SLTM: variants seen among roughly 807,000 people sequenced by gnomAD.
The protein encoded by SLTM is SAFB-like transcription modulator.
Under a neutral mutation model 134.6 loss-of-function variants are expected in SLTM, and 43 were observed. That is an observed-to-expected ratio of 0.32 (90% CI 0.25 to 0.41). The LOEUF (loss-of-function observed/expected upper bound fraction) is 0.41, where lower values mean the gene tolerates loss of function less well. Ranked by LOEUF, SLTM falls within the 10% of genes least tolerant of loss-of-function variation. The pLI is 1.00. For synonymous variants in SLTM, 424 were observed against 432.3 expected (o/e 0.98, Z 0.24); for missense variants, 1,055 against 1,288.8 (o/e 0.82, Z 2.78).
At chr15:58,893,446 G>C (rs1360476353) in intron 12 of SLTM, 82 bp from the exon 13 acceptor site, 5 of 938,662 alleles carry the variant, frequency 5.3e-6, no homozygotes, top group African/African-American at 5.0e-5. Context: ...GCTAAATTCT[G>C]ATAGTCACAC....
At chr15:58,913,478 T>A (rs778625702) in intron 4 of SLTM, 21 bp downstream of exon 4, 17 of 1,565,252 alleles carry the variant, frequency 1.1e-5, no homozygotes, top group Non-Finnish European at 1.2e-5. Context: ...TGTCATGTTT[T>A]AAAAAAAACT....
At chr15:58,881,243 G>T (rs1370436367) in intron 20 of SLTM, among the ~76,000 whole-genome samples, 1 of 152,124 alleles carries the variant, frequency 6.6e-6, no homozygotes, top group East Asian at 1.9e-4. Flanking sequence ...TACAGTGAAG[G>T]CCGGGTGTGG....
At chr15:58,923,561 C>T (rs148975069) in intron 2 of SLTM, among the ~76,000 whole-genome samples, 95 of 152,232 alleles carry the variant, frequency 6.2e-4, no homozygotes, top group African/African-American at 2.2e-3. Context: ...ATTTTAAAGA[C>T]CAAATCACCC....
At chr15:58,922,631 AAT>A (rs1456843342) in intron 2 of SLTM, among the ~76,000 whole-genome samples, 1 of 147,162 alleles carries the variant, frequency 6.8e-6, no homozygotes, top group Non-Finnish European at 1.5e-5. Flanking sequence ...ACATGTATAA[AAT>A]ATATATTATA....
chr15:58,907,749 C>T (rs566368822), intron 5 of SLTM, among the ~76,000 whole-genome samples: 1 of 152,254 alleles, frequency 6.6e-6, no homozygotes, highest in South Asian at 2.1e-4. Context: ...ACTAATTGCA[C>T]ATATACTACA....
intron 3 of SLTM, 81 bp from the exon 4 acceptor site, chr15:58,913,777 C>T: frequency 3.1e-6 from 3 of 977,282 alleles, no homozygotes; most frequent in Non-Finnish European, 4.7e-6. Context: ...TAATTTACAC[C>T]TTTAAATGTG....
At chr15:58,923,249 TA>T (rs1478721000) in intron 2 of SLTM, among the ~76,000 whole-genome samples, 3 of 152,020 alleles carry the variant, frequency 2.0e-5, no homozygotes, top group African/African-American at 7.3e-5. Flanking sequence ...ATCCAGCTAC[TA>T]GGGGGGCCGA....
chr15:58,881,595 A>T (rs1290948657), intron 20 of SLTM, among the ~76,000 whole-genome samples: 5 of 152,066 alleles, frequency 3.3e-5, no homozygotes, highest in South Asian at 2.1e-4. Context: ...AGGCTGAGGA[A>T]TCTGGGCTCA....
Position 58,890,474 on chromosome 15 carries a change from AG to A in SLTM, c.1899-14del. 3 of 1,610,992 alleles carry A rather than the reference AG, an allele frequency of 1.9e-6. No individual in the cohort carries two copies. The highest frequency in any genetic ancestry group is 2.5e-6 in the Non-Finnish European group (3 of 1,179,188). ...AATCTCTCTTCGTCTACCAAAAATC[AG>A]TATTTAGAAATACTTAAATTATGCT... On this transcript the variant is annotated splice_polypyrimidine_tract_variant and intron_variant, in intron 14 of 20. Transcript: ENST00000380516.
chr15:58,897,362 T>A, intron 8 of SLTM, 129 bp from the exon 9 acceptor site: 1 of 570,090 alleles, frequency 1.8e-6, no homozygotes, highest in Non-Finnish European at 3.1e-6. Flanking sequence ...TCCTGTGAGT[T>A]TACTATTATT....
intron 19 of SLTM, among the ~76,000 whole-genome samples, chr15:58,886,574 C>CG (rs758974819): frequency 1.1e-4 from 16 of 152,042 alleles, no homozygotes; most frequent in Non-Finnish European, 1.2e-4. Context: ...CCACCATGCC[C>CG]GGCCAAGAAT....
chr15:58,911,126 G>A (rs762268593), intron 5 of SLTM, among the ~76,000 whole-genome samples: 6 of 151,942 alleles, frequency 3.9e-5, no homozygotes, highest in Non-Finnish European at 5.9e-5. Context: ...TTTCCTTCCC[G>A]AATATTCCAA....
chr15:58,882,243 C>G (rs1015661239), intron 20 of SLTM, among the ~76,000 whole-genome samples: 2 of 148,704 alleles, frequency 1.3e-5, no homozygotes, highest in Non-Finnish European at 3.0e-5. Context: ...GGACAAGCCC[C>G]GTATTTCCAG....
intron 20 of SLTM, among the ~76,000 whole-genome samples, chr15:58,882,394 G>GT (rs1304911450): frequency 2.6e-5 from 4 of 152,174 alleles, no homozygotes; most frequent in Non-Finnish European, 5.9e-5. Context: ...CACTTACATG[G>GT]CAGTGGCAAC....
At chr15:58,926,225 G>A (rs2037454746) in intron 2 of SLTM, among the ~76,000 whole-genome samples, 1 of 152,136 alleles carries the variant, frequency 6.6e-6, no homozygotes, top group African/African-American at 2.4e-5. Context: ...ATTTACAGAA[G>A]CTGTTGAGAA....
intron 8 of SLTM, 49 bp downstream of exon 8, chr15:58,898,754 A>G: frequency 7.0e-7 from 1 of 1,429,462 alleles, no homozygotes; most frequent in Non-Finnish European, 9.7e-7. Flanking sequence ...CTTTTTAATG[A>G]AAATACACAA....
chr15:58,909,073 C>A (rs1355593915), intron 5 of SLTM, among the ~76,000 whole-genome samples: 1 of 152,186 alleles, frequency 6.6e-6, no homozygotes, highest in Non-Finnish European at 1.5e-5. Context: ...AACACCTCCA[C>A]CACCTAGATT....
At chr15:58,923,259 G>A (rs1049776245) in intron 2 of SLTM, among the ~76,000 whole-genome samples, 28 of 152,150 alleles carry the variant, frequency 1.8e-4, no homozygotes, top group African/African-American at 2.4e-5. Context: ...TAGGGGGGCC[G>A]ATGTGGGAGG....
chr15:58,881,694 T>C (rs1390750643), intron 20 of SLTM, among the ~76,000 whole-genome samples: 1 of 152,100 alleles, frequency 6.6e-6, no homozygotes, highest in Non-Finnish European at 1.5e-5. Context: ...AATTTACAAA[T>C]GGGGTAATGG....
Sources: gnomAD v4.1 joint callset for allele counts (sites outside exome capture counted in the v4.1 genomes callset) on GRCh38, gnomAD v4.1.1 for gene constraint, MANE v1.5 for transcripts, NCBI Gene and HGNC (gene_info 2026-07-23, HGNC 2026-07-21) for gene names.